PPME1: variants seen among roughly 807,000 people sequenced by gnomAD.
The protein encoded by PPME1 is protein phosphatase methylesterase 1.
PPME1 carries 17 observed loss-of-function variants against 56.9 expected under a neutral mutation model. That is an observed-to-expected ratio of 0.30 (90% CI 0.20 to 0.45). The LOEUF (loss-of-function observed/expected upper bound fraction) is 0.45, where lower values mean the gene tolerates loss of function less well. Among genes scored for constraint, PPME1 ranks in the 20% least tolerant of loss-of-function variants. The probability of loss-of-function intolerance (pLI) is 1.00; values close to 1 mark genes in which losing one functional copy is unlikely to be tolerated. For synonymous variants in PPME1, 122 were observed against 156.2 expected, an observed-to-expected ratio of 0.78 and a Z score of 1.63; for missense variants, 357 against 483.2, an observed-to-expected ratio of 0.74 and a Z score of 2.45.
At chr11:74,216,074 C>T (rs1338681519) in intron 3 of PPME1, among the ~76,000 whole-genome samples, 1 of 152,140 alleles carries the variant, frequency 6.6e-6, no homozygotes, top group Non-Finnish European at 1.5e-5. Context: ...GACTTCAATA[C>T]CCCACTTTCA....
At position 74,235,818 on chromosome 11, in the gene PPME1, C is replaced by T. The variant is rs142576009; in HGVS notation, c.645-83C>T. ...TACTTTTTATTAGGTCTCACATAAT[C>T]TGTAGAATTATTTATTTGATTCCAA... On this transcript the variant is annotated intron_variant, in intron 7 of 13. Transcript: ENST00000328257. 282 of 1,543,386 alleles carry T rather than the reference C, an allele frequency of 1.8e-4. 2 individuals are homozygous for T. The African/African-American group carries it at 3.5e-3, about 19-fold the overall frequency.
At chr11:74,234,270 C>T (rs1345963200) in intron 7 of PPME1, among the ~76,000 whole-genome samples, 1 of 152,102 alleles carries the variant, frequency 6.6e-6, no homozygotes, top group Non-Finnish European at 1.5e-5. Flanking sequence ...GTTAAGTAGG[C>T]AGTTGTATAT....
intron 10 of PPME1, 149 bp from the exon 11 acceptor site, chr11:74,246,929 AG>A: frequency 1.5e-6 from 1 of 674,978 alleles, no homozygotes. Context: ...CAACCTGAAA[AG>A]TTTTATCTGG....
intron 1 of PPME1, among the ~76,000 whole-genome samples, chr11:74,196,049 A>G (rs1857973670): frequency 6.6e-6 from 1 of 152,214 alleles, no homozygotes; most frequent in Admixed American, 6.5e-5. Flanking sequence ...ACTTACTAAT[A>G]ATCACTTTGC....
chr11:74,203,664 T>C (rs978588812), intron 1 of PPME1, 64 bp from the exon 2 acceptor site: 15 of 1,264,270 alleles, frequency 1.2e-5, no homozygotes, highest in Non-Finnish European at 1.7e-5. Context: ...TAGCATTTAT[T>C]GACCAAGATT....
Position 74,239,256 on chromosome 11 carries a change from G to A in PPME1, c.834G>A (p.Glu278=). 2 of 1,611,632 alleles carry A rather than the reference G, an allele frequency of 1.2e-6. No homozygotes were observed. The highest frequency in any genetic ancestry group is 1.7e-6 in the Non-Finnish European group (2 of 1,179,128). The part of the protein sequence containing the change: ...ISKRKKEDDM[E]TKKDHPYTWR... ...AGAGGAAAAAGGAAGATGACATGGA[G>A]GTGGGTAAAAACATTCATTCTTGAA... Residue 278 remains glutamate (E), a splice_region_variant and synonymous_variant, in exon 9 of 14, where the codon GAG becomes GAA. Coordinates refer to ENST00000328257, the MANE Select transcript of PPME1 (RefSeq NM_016147.3).
intron 1 of PPME1, among the ~76,000 whole-genome samples, chr11:74,193,947 C>G (rs1321720323): frequency 6.6e-6 from 1 of 151,834 alleles, no homozygotes; most frequent in East Asian, 1.9e-4. Context: ...GGTCATTTGC[C>G]TTGGAACTTT....
At chr11:74,221,541 C>G (rs1858800393) in intron 3 of PPME1, among the ~76,000 whole-genome samples, 1 of 152,102 alleles carries the variant, frequency 6.6e-6, no homozygotes. Context: ...TGTTATGTGA[C>G]CCTGGGCAAA....
At chr11:74,192,799 C>G (rs1277772566) in intron 1 of PPME1, among the ~76,000 whole-genome samples, 1 of 152,152 alleles carries the variant, frequency 6.6e-6, no homozygotes, top group Non-Finnish European at 1.5e-5. Context: ...ACTTCACCTT[C>G]CACCATGATT....
In PPME1 at chr11:74,240,577, T is replaced by A. The variant is rs1181219410; in HGVS notation, c.834+1321T>A. Among the ~76,000 whole-genome samples the A allele has an allele frequency of 2.0e-5, 3 of 152,218 alleles. No homozygotes were observed. The East Asian group carries it at 5.8e-4, about 29-fold the overall frequency. ...ATGCTGCTGTTAGCAAGAAGGAGAATACATTTTTAAACAGTATTTTAAATT... is the reference window on the plus strand; with the variant it reads ...ATGCTGCTGTTAGCAAGAAGGAGAAAACATTTTTAAACAGTATTTTAAATT... On this transcript the variant is annotated intron_variant, in intron 9 of 13. Transcript: ENST00000328257.
At chr11:74,202,910 C>T (rs972679143) in intron 1 of PPME1, among the ~76,000 whole-genome samples, 3 of 152,010 alleles carry the variant, frequency 2.0e-5, no homozygotes, top group Non-Finnish European at 2.9e-5. Flanking sequence ...ACATGTATTT[C>T]ACAATTTTAC....
chr11:74,228,231 T>G (rs1327806193), intron 5 of PPME1, among the ~76,000 whole-genome samples: 1 of 152,166 alleles, frequency 6.6e-6, no homozygotes, highest in Non-Finnish European at 1.5e-5. Flanking sequence ...TTCTGGTCTG[T>G]TATTTTAATA....
chr11:74,211,805 G>C (rs1858483922), intron 3 of PPME1, among the ~76,000 whole-genome samples: 1 of 152,126 alleles, frequency 6.6e-6, no homozygotes, highest in Admixed American at 6.5e-5. Flanking sequence ...AAATGGGCAA[G>C]AGATAAGAAG....
At chr11:74,198,543 C>G (rs1565380417) in intron 1 of PPME1, among the ~76,000 whole-genome samples, 1 of 152,146 alleles carries the variant, frequency 6.6e-6, no homozygotes, top group Non-Finnish European at 1.5e-5. Flanking sequence ...CTCACTGCAT[C>G]CTTGATCTCC....
At chr11:74,226,063 A>G (rs1175114283) in intron 5 of PPME1, among the ~76,000 whole-genome samples, 1 of 152,184 alleles carries the variant, frequency 6.6e-6, no homozygotes, top group Non-Finnish European at 1.5e-5. Flanking sequence ...TCAGAGCCCA[A>G]ACTGATGTAG....
intron 3 of PPME1, among the ~76,000 whole-genome samples, chr11:74,209,564 T>C (rs1167508177): frequency 1.3e-5 from 2 of 152,202 alleles, no homozygotes; most frequent in African/African-American, 4.8e-5. Flanking sequence ...ATTTACCTGA[T>C]TGTAATTGAG....
chr11:74,231,636 T>A (rs1591057746), intron 7 of PPME1, among the ~76,000 whole-genome samples: 1 of 152,232 alleles, frequency 6.6e-6, no homozygotes, highest in African/African-American at 2.4e-5. Context: ...TTAGTAATTA[T>A]TGATCATCTG....
intron 3 of PPME1, among the ~76,000 whole-genome samples, chr11:74,210,587 C>G (rs970326604): frequency 2.6e-5 from 4 of 152,124 alleles, no homozygotes; most frequent in Admixed American, 6.5e-5. Flanking sequence ...AGTTCTTACT[C>G]TCCTACTTCC....
At chr11:74,206,221 AT>A (rs1269987378) in intron 3 of PPME1, among the ~76,000 whole-genome samples, 1 of 152,064 alleles carries the variant, frequency 6.6e-6, no homozygotes, top group Non-Finnish European at 1.5e-5. Context: ...GTATGTATTT[AT>A]TTTTTAAGAG....
Sources: allele counts gnomAD v4.1 joint callset (sites outside exome capture counted in the v4.1 genomes callset), GRCh38; gene constraint gnomAD v4.1.1; transcripts MANE v1.5; gene names NCBI Gene and HGNC (gene_info 2026-07-23, HGNC 2026-07-21).